The following AR variants were observed in gnomAD, a reference collection of about 807,000 sequenced individuals.
AR encodes androgen receptor.
A neutral mutation model predicts 53.9 loss-of-function variants in AR; 8 were observed. That is an observed-to-expected ratio of 0.15 (90% CI 0.09 to 0.27). The LOEUF (loss-of-function observed/expected upper bound fraction) is 0.27. Among genes scored for constraint, AR ranks in the 10% least tolerant of loss-of-function variants. The probability of loss-of-function intolerance (pLI) is 1.00; values close to 1 mark genes in which losing one functional copy is unlikely to be tolerated. For synonymous variants in AR, 359 were observed against 316.4 expected (o/e 1.13, Z -1.43); for missense variants, 639 against 742.5 (o/e 0.86, Z 1.62).
chrX:67,621,962 GTTAC>G (rs1324667929), intron 1 of AR, among the ~76,000 whole-genome samples: 3 of 111,696 alleles, frequency 2.7e-5, no homozygotes, highest in Non-Finnish European at 5.7e-5. Context: ...CCCTGGCTCT[GTTAC>G]TTACTAGTTG....
At chrX:67,692,463 A>G (rs780178826) in intron 3 of AR, among the ~76,000 whole-genome samples, 1 of 111,635 alleles carries the variant, frequency 9.0e-6, no homozygotes, top group Non-Finnish European at 1.9e-5. Flanking sequence ...GCACTTTGAA[A>G]CTCTGGGGAT....
chrX:67,626,526 C>T lies in AR; in HGVS notation c.1617-16730C>T, dbSNP rs767270672. 6.4e-5 allele frequency among the ~76,000 whole-genome samples: 6 copies of T among 93,694 alleles called. No individual in the cohort carries two copies. In the East Asian group the frequency reaches 9.9e-4, roughly 16 times the overall value. The allele number at this position is 93,694 out of a possible 115,157, so 81.4% of individuals were successfully genotyped here. ...TGCAATCTCAGCTCACTGCAAGCTC[C>T]GCCTCCCAGGTTCATGCCATTCTCC... On this transcript the variant is annotated intron_variant, in intron 1 of 7. Transcript: ENST00000374690.
intron 3 of AR, among the ~76,000 whole-genome samples, chrX:67,688,254 G>A (rs1345563816): frequency 1.8e-5 from 2 of 111,582 alleles, no homozygotes; most frequent in Non-Finnish European, 3.8e-5. Context: ...TTGATGTTGT[G>A]TAAATGGCCT....
intron 2 of AR, among the ~76,000 whole-genome samples, chrX:67,652,706 C>T (rs1389316194): frequency 9.0e-6 from 1 of 111,659 alleles, no homozygotes; most frequent in Non-Finnish European, 1.9e-5. Context: ...GCATTTATGG[C>T]CCTTGGTTCC....
At chrX:67,556,056 A>T (rs1921038723) in intron 1 of AR, among the ~76,000 whole-genome samples, 1 of 112,527 alleles carries the variant, frequency 8.9e-6, no homozygotes, top group Non-Finnish European at 1.9e-5. Context: ...TTCAAGTAGC[A>T]CTGTCCAGTT....
chrX:67,662,971 T>G (rs1336327141), intron 2 of AR, among the ~76,000 whole-genome samples: 1 of 111,787 alleles, frequency 8.9e-6, no homozygotes, highest in African/African-American at 3.3e-5. Context: ...GTTTTCCGTT[T>G]GCTTGATAAA....
intron 3 of AR, among the ~76,000 whole-genome samples, 184 bp from the exon 4 acceptor site, chrX:67,711,218 T>C (rs935559416): frequency 1.8e-5 from 2 of 112,179 alleles, no homozygotes; most frequent in African/African-American, 6.5e-5. Context: ...GTTTAGCAGG[T>C]ATTTGGGATG....
intron 3 of AR, among the ~76,000 whole-genome samples, chrX:67,691,088 A>G (rs979386793): frequency 1.8e-5 from 2 of 112,438 alleles, no homozygotes; most frequent in African/African-American, 6.5e-5. Flanking sequence ...GCAGCAGCAC[A>G]AATGTTTTGT....
intron 1 of AR, among the ~76,000 whole-genome samples, chrX:67,568,129 C>G (rs575137096): frequency 1.8e-5 from 2 of 111,645 alleles, no homozygotes; most frequent in East Asian, 5.7e-4. Flanking sequence ...AAGCTCATTT[C>G]AAGTAGGCAC....
chrX:67,613,051 T>G (rs1602192382), intron 1 of AR, among the ~76,000 whole-genome samples: 1 of 112,269 alleles, frequency 8.9e-6, no homozygotes, highest in East Asian at 2.8e-4. Context: ...TATGAGGGCT[T>G]TGCCCCAGGG....
At chrX:67,631,135 A>G (rs1267792120) in intron 1 of AR, among the ~76,000 whole-genome samples, 6 of 110,814 alleles carry the variant, frequency 5.4e-5, no homozygotes, top group African/African-American at 2.0e-4. Flanking sequence ...TGCTCTTCTC[A>G]AGGAGTATCT....
At position 67,545,164 on chromosome X, in the gene AR, G is replaced by A. The variant is rs1929637978; in HGVS notation, c.18G>A (p.Gly6=). 8.3e-7 allele frequency: 1 copy of A among 1,200,231 alleles called. No homozygotes were observed. The highest frequency in any genetic ancestry group is 1.8e-5 in the South Asian group (1 of 54,818). ...GCTCAAGGATGGAAGTGCAGTTAGG[G>A]CTGGGAAGGGTCTACCCTCGGCCGC... MEVQL[G]LGRVYPRPPS... is the part of the protein sequence containing the mutation. The change falls in exon 1 of 8, where the codon GGG becomes GGA. Residue 6 remains glycine, a synonymous_variant. Coordinates refer to ENST00000374690, the MANE Select transcript of AR (RefSeq NM_000044.6).
chrX:67,666,534 C>G (rs1056429741), intron 2 of AR, among the ~76,000 whole-genome samples: 5 of 111,649 alleles, frequency 4.5e-5, no homozygotes, highest in Admixed American at 9.5e-5. Flanking sequence ...GAATGCAGAT[C>G]TCTTTGATAT....
intron 1 of AR, among the ~76,000 whole-genome samples, chrX:67,603,916 G>GTC (rs1230984718): frequency 9.0e-6 from 1 of 110,986 alleles, no homozygotes. Context: ...GTGTCATAGA[G>GTC]ATAAAATTGG....
chrX:67,649,241 A>C (rs921045876), intron 2 of AR, among the ~76,000 whole-genome samples: 1 of 112,416 alleles, frequency 8.9e-6, no homozygotes, highest in Non-Finnish European at 1.9e-5. Flanking sequence ...TCCATGGTGT[A>C]TATGTGCCAC....
intron 2 of AR, among the ~76,000 whole-genome samples, chrX:67,668,653 T>C: frequency 9.0e-6 from 1 of 111,525 alleles, no homozygotes; most frequent in Middle Eastern, 4.6e-3. Flanking sequence ...TTTAAATGTT[T>C]GGTAAAATTC....
chrX:67,671,361 CT>C (rs1195819866), intron 2 of AR, among the ~76,000 whole-genome samples: 2 of 112,499 alleles, frequency 1.8e-5, no homozygotes, highest in Non-Finnish European at 3.8e-5. Context: ...TGATGATGAG[CT>C]TTTTTTCATG....
At position 67,727,402 on chromosome X, in the gene AR, G is replaced by T. The variant is rs1254255341; in HGVS notation, c.*3561G>T. 1.2e-5 allele frequency: 2 copies of T among 170,422 alleles called. No homozygotes were observed. The highest frequency in any genetic ancestry group is 1.7e-4 in the East Asian group (2 of 11,901). The allele number at this position is 170,422 out of a possible 1,213,427, so 14.0% of individuals were successfully genotyped here. On this transcript the variant is annotated 3_prime_UTR_variant, in exon 8 of 8. Coordinates refer to ENST00000374690, the MANE Select transcript of AR (RefSeq NM_000044.6). ...GTTGAAAAATAATGTGCTGATGCTA[G>T]AGTCCCTCTCTGTCCATACTCTACT...
chrX:67,577,165 T>A (rs112912277), intron 1 of AR, among the ~76,000 whole-genome samples: 1,854 of 110,017 alleles, frequency 0.017, 23 homozygotes, highest in Non-Finnish European at 0.026. Context: ...ACAAATGTAC[T>A]TTCTGTCTCT....
Sources: allele counts gnomAD v4.1 joint callset (sites outside exome capture counted in the v4.1 genomes callset), GRCh38; gene constraint gnomAD v4.1.1; transcripts MANE v1.5; gene names NCBI Gene and HGNC (gene_info 2026-07-23, HGNC 2026-07-21).